KCNJ16: variants seen among roughly 807,000 people sequenced by gnomAD.
KCNJ16 encodes potassium inwardly rectifying channel subfamily J member 16.
Under a neutral mutation model 18.5 loss-of-function variants are expected in KCNJ16, and 15 were observed. That is an observed-to-expected ratio of 0.81 (90% CI 0.54 to 1.25). KCNJ16 has a LOEUF of 1.25. KCNJ16 is among the 50% of genes most tolerant of loss of function. The pLI is 0.00. For missense variants in KCNJ16, 523 were observed against 525.7 expected, an observed-to-expected ratio of 0.99 and a Z score of 0.05; for synonymous variants, 174 against 186.5, an observed-to-expected ratio of 0.93 and a Z score of 0.55.
intron 1 of KCNJ16, among the ~76,000 whole-genome samples, chr17:70,093,374 C>T (rs1306131211): frequency 6.6e-6 from 1 of 152,168 alleles, no homozygotes; most frequent in Non-Finnish European, 1.5e-5. Context: ...CCGGGCTTTC[C>T]TTCCTTGTAG....
intron 2 of KCNJ16, among the ~76,000 whole-genome samples, chr17:70,104,467 G>T (rs2072816623): frequency 6.6e-6 from 1 of 152,192 alleles, no homozygotes; most frequent in African/African-American, 2.4e-5. Flanking sequence ...GCAAGATGCT[G>T]TTTGCCATAG....
chr17:70,076,171 T>A (rs1052720500), intron 1 of KCNJ16, among the ~76,000 whole-genome samples: 3 of 152,168 alleles, frequency 2.0e-5, no homozygotes, highest in Non-Finnish European at 2.9e-5. Flanking sequence ...GTGTATTACA[T>A]GGACTGAATG....
intron 1 of KCNJ16, 130 bp downstream of exon 1, chr17:70,075,520 TTAAGA>T (rs1366059070): frequency 6.6e-6 from 1 of 152,204 alleles, no homozygotes; most frequent in East Asian, 1.9e-4. Flanking sequence ...TTAAATGCAA[TTAAGA>T]TAATTTAATT....
intron 1 of KCNJ16, among the ~76,000 whole-genome samples, chr17:70,092,542 A>AGAT (rs1567782484): frequency 0.032 from 597 of 18,774 alleles, 6 homozygotes; most frequent in East Asian, 0.06. Context: ...AGATAGATAT[A>AGAT]GATAGATATA....
Position 70,130,995 on chromosome 17 carries a change from C to G in KCNJ16, c.-94+20C>G. ...AAAATGGTAAGAGCTGCATGTTCTG[C>G]CTTGATGTTTTCAAGACTGAATTTG... On this transcript the variant is annotated intron_variant, in intron 3 of 3. Coordinates refer to ENST00000392671, the MANE Select transcript of KCNJ16 (RefSeq NM_170741.4). 6.5e-7 allele frequency: 1 copy of G among 1,533,340 alleles called. No homozygotes were observed. Among genetic ancestry groups the G allele is most frequent in the Admixed American group, 2.0e-5 (1 of 50,964 alleles). 95.0% of individuals were successfully genotyped at this position (1,533,340 alleles called of 1,614,324 possible).
At chr17:70,125,856 C>T (rs112288437) in intron 2 of KCNJ16, among the ~76,000 whole-genome samples, 2,718 of 151,732 alleles carry the variant, frequency 0.018, 79 homozygotes, top group African/African-American at 0.06. Context: ...TGCTTGAACC[C>T]GGGAGGTAGA....
intron 3 of KCNJ16, chr17:70,131,395 G>T: frequency 9.8e-7 from 1 of 1,023,710 alleles, no homozygotes; most frequent in Non-Finnish European, 1.2e-6. Flanking sequence ...ATGTGAAGTA[G>T]TACTCCTGTC....
In KCNJ16 at chr17:70,077,419, G is replaced by C. The variant is rs573585284; in HGVS notation, c.-300+2029G>C. 5.3e-5 allele frequency among the ~76,000 whole-genome samples: 8 copies of C among 152,252 alleles called. No homozygotes were observed. In the South Asian group the frequency reaches 1.0e-3, roughly 20 times the overall value. ...TAAGCATGAGAGCAAATGAAGTTAG[G>C]CTCCTCCAGTGTACCCAATGGAGTA... On this transcript the variant is annotated intron_variant, in intron 1 of 3. Coordinates refer to ENST00000392671, the MANE Select transcript of KCNJ16 (RefSeq NM_170741.4).
At chr17:70,094,627 A>ATG (rs2072269344) in intron 1 of KCNJ16, among the ~76,000 whole-genome samples, 1 of 151,856 alleles carries the variant, frequency 6.6e-6, no homozygotes, top group Non-Finnish European at 1.5e-5. Flanking sequence ...AGGTGGGGGG[A>ATG]ATAACATATA....
At chr17:70,125,338 TG>T (rs1386547139) in intron 2 of KCNJ16, among the ~76,000 whole-genome samples, 1 of 150,820 alleles carries the variant, frequency 6.6e-6, no homozygotes, top group South Asian at 2.1e-4. Flanking sequence ...GAGGAACTAG[TG>T]AAAGGACAGA....
At chr17:70,089,993 C>T (rs377317880) in intron 1 of KCNJ16, among the ~76,000 whole-genome samples, 1 of 152,202 alleles carries the variant, frequency 6.6e-6, no homozygotes, top group Non-Finnish European at 1.5e-5. Flanking sequence ...TCCATCCAGC[C>T]TCAACTGTCT....
At position 70,134,642 on chromosome 17, in the gene KCNJ16, CAA is replaced by C. The variant is rs1335657632; in HGVS notation, c.*1300_*1301del. The C allele has an allele frequency of 6.0e-6, 1 of 166,996 alleles. No individual in the cohort carries two copies. The allele number at this position is 166,996 out of a possible 1,614,324, so 10.3% of individuals were successfully genotyped here. A position where few individuals can be genotyped will look rare whatever the true frequency, so the allele number is the denominator to read the frequency against. ...AAGAGTCACTTTAAACTTTATAAATCAAAGAGATATTAGGAACATTCAGAATT... is the reference window on the plus strand; with the variant it reads ...AAGAGTCACTTTAAACTTTATAAATCAGAGATATTAGGAACATTCAGAATT... On this transcript the variant is annotated 3_prime_UTR_variant, in exon 4 of 4. Transcript: ENST00000392671.
At chr17:70,088,097 C>T (rs1327851281) in intron 1 of KCNJ16, among the ~76,000 whole-genome samples, 2 of 151,574 alleles carry the variant, frequency 1.3e-5, no homozygotes, top group Non-Finnish European at 2.9e-5. Context: ...GGCACCTCAC[C>T]ACCACAAAAC....
At chr17:70,105,986 T>C (rs2072905191) in intron 2 of KCNJ16, among the ~76,000 whole-genome samples, 1 of 152,218 alleles carries the variant, frequency 6.6e-6, no homozygotes, top group South Asian at 2.1e-4. Flanking sequence ...AATCTTGAAA[T>C]AATCCTGAGA....
At chr17:70,083,556 T>C (rs1261992790) in intron 1 of KCNJ16, among the ~76,000 whole-genome samples, 1 of 152,070 alleles carries the variant, frequency 6.6e-6, no homozygotes, top group Non-Finnish European at 1.5e-5. Flanking sequence ...TTCAGTACAG[T>C]CACATGCTGT....
intron 2 of KCNJ16, chr17:70,128,852 G>C (rs973498394): frequency 3.3e-5 from 5 of 152,266 alleles, no homozygotes; most frequent in Non-Finnish European, 5.9e-5. Flanking sequence ...GGGTACAGAC[G>C]GGCTGAGGTC....
At chr17:70,121,489 G>A (rs779046836) in intron 2 of KCNJ16, among the ~76,000 whole-genome samples, 18 of 152,124 alleles carry the variant, frequency 1.2e-4, no homozygotes, top group Non-Finnish European at 2.5e-4. Flanking sequence ...ATCACAGAAC[G>A]GTGAGAAGAG....
chr17:70,097,237 C>A (rs1567785414), intron 1 of KCNJ16, among the ~76,000 whole-genome samples: 1 of 152,102 alleles, frequency 6.6e-6, no homozygotes, highest in South Asian at 2.1e-4. Flanking sequence ...AATGGCACAA[C>A]CCATGCGCCC....
At chr17:70,097,530 T>C (rs2072434845) in intron 1 of KCNJ16, among the ~76,000 whole-genome samples, 1 of 152,138 alleles carries the variant, frequency 6.6e-6, no homozygotes, top group South Asian at 2.1e-4. Context: ...AAAACATACA[T>C]ATTCTATTAG....
Sources: allele counts gnomAD v4.1 joint callset (sites outside exome capture counted in the v4.1 genomes callset), GRCh38; gene constraint gnomAD v4.1.1; transcripts MANE v1.5; gene names NCBI Gene and HGNC (gene_info 2026-07-23, HGNC 2026-07-21).